Variants in RBFOX3 observed in about 807,000 individuals in gnomAD.
RBFOX3 encodes RNA binding fox-1 homolog 3, also known as RNA binding protein fox-1 homolog 3.
RBFOX3 carries 17 observed loss-of-function variants against 48.7 expected under a neutral mutation model. The ratio of observed to expected loss-of-function variants is 0.35; its 90% CI spans 0.24 to 0.52. The LOEUF is 0.52. RBFOX3 is among the 20% of genes least tolerant of loss of function. The pLI, the probability that RBFOX3 is intolerant of heterozygous loss-of-function variation, is 0.94. For synonymous variants in RBFOX3, 212 were observed against 209.5 expected (o/e 1.01, Z -0.10); for missense variants, 382 against 497.5 (o/e 0.77, Z 2.21).
chr17:79,395,302 C>T (rs958427388), intron 2 of RBFOX3, among the ~76,000 whole-genome samples: 1 of 152,240 alleles, frequency 6.6e-6, no homozygotes, highest in South Asian at 2.1e-4. Context: ...TGGGAGGACC[C>T]CTCCTAAGGG....
intron 4 of RBFOX3, among the ~76,000 whole-genome samples, chr17:79,156,896 G>A (rs2045931831): frequency 6.6e-6 from 1 of 152,196 alleles, no homozygotes; most frequent in Admixed American, 6.5e-5. Flanking sequence ...GGCAGGCGCG[G>A]GGACTCTGTG....
At chr17:79,412,228 G>A (rs1269066070) in intron 2 of RBFOX3, among the ~76,000 whole-genome samples, 1 of 151,616 alleles carries the variant, frequency 6.6e-6, no homozygotes, top group Admixed American at 6.6e-5. Flanking sequence ...ATGTATGCAT[G>A]TGTTGTGTGT....
intron 4 of RBFOX3, among the ~76,000 whole-genome samples, chr17:79,230,742 C>T (rs893012605): frequency 1.3e-5 from 2 of 152,042 alleles, no homozygotes; most frequent in East Asian, 1.9e-4. Flanking sequence ...CCCAGGCTCA[C>T]GAGTGCTTCT....
intron 2 of RBFOX3, among the ~76,000 whole-genome samples, chr17:79,438,098 A>G (rs2069949171): frequency 4.1e-5 from 1 of 24,640 alleles, no homozygotes; most frequent in African/African-American, 9.7e-5. Context: ...ACACAGGTGC[A>G]CAGGCGCACA....
intron 1 of RBFOX3, among the ~76,000 whole-genome samples, chr17:79,517,419 T>C (rs1421341516): frequency 7.5e-6 from 1 of 133,356 alleles, no homozygotes; most frequent in Non-Finnish European, 1.5e-5. Flanking sequence ...CACATCAGCC[T>C]GGACTATACA....
At chr17:79,549,884 T>C (rs1430940807) in intron 1 of RBFOX3, among the ~76,000 whole-genome samples, 1 of 152,090 alleles carries the variant, frequency 6.6e-6, no homozygotes, top group Non-Finnish European at 1.5e-5. Flanking sequence ...TTTAGTGATA[T>C]GATGGATGAA....
chr17:79,626,502 C>T, the RBFOX3 span, among the ~76,000 whole-genome samples: 1 of 152,262 alleles, frequency 6.6e-6, no homozygotes, highest in Admixed American at 6.5e-5. Flanking sequence ...CATCCCCCGT[C>T]TGGAACCAGG....
At chr17:79,348,151 C>G (rs772759865) in intron 2 of RBFOX3, among the ~76,000 whole-genome samples, 6 of 152,302 alleles carry the variant, frequency 3.9e-5, no homozygotes, top group Non-Finnish European at 7.4e-5. Context: ...GTCTCCTGGT[C>G]GTCTGCAGAA....
At chr17:79,356,687 T>C (rs1396746683) in intron 2 of RBFOX3, among the ~76,000 whole-genome samples, 1 of 151,136 alleles carries the variant, frequency 6.6e-6, no homozygotes. Context: ...TTTTTTTTTT[T>C]ATGCCATCAG....
chr17:79,370,224 T>C (rs556820070), intron 2 of RBFOX3, among the ~76,000 whole-genome samples: 45 of 152,310 alleles, frequency 3.0e-4, no homozygotes, highest in African/African-American at 9.6e-4. Context: ...ATCTTCCAGA[T>C]AGATTCCCCA....
intron 4 of RBFOX3, among the ~76,000 whole-genome samples, chr17:79,161,189 C>A (rs568461211): frequency 2.6e-4 from 40 of 152,238 alleles, no homozygotes; most frequent in African/African-American, 8.9e-4. Context: ...TCAGGGGAGG[C>A]TCCCTGGAGG....
chr17:79,131,175 CGT>C (rs1374016217), intron 4 of RBFOX3, among the ~76,000 whole-genome samples: 2 of 151,686 alleles, frequency 1.3e-5, no homozygotes, highest in African/African-American at 2.4e-5. Flanking sequence ...CCATGTGCTG[CGT>C]GTGCTGTATG....
chr17:79,566,791 G>A (rs939861562), intron 1 of RBFOX3, among the ~76,000 whole-genome samples: 19 of 152,236 alleles, frequency 1.2e-4, no homozygotes, highest in Non-Finnish European at 2.2e-4. Flanking sequence ...ACCTTCAGCC[G>A]AGCATTGCCC....
chr17:79,644,777 A>G, the RBFOX3 span, among the ~76,000 whole-genome samples: 5 of 152,246 alleles, frequency 3.3e-5, no homozygotes, highest in East Asian at 9.6e-4. Flanking sequence ...ATGAAGACAT[A>G]TATCATGATT....
chr17:79,579,113 G>C (rs1351569935), intron 1 of RBFOX3, among the ~76,000 whole-genome samples: 7 of 152,302 alleles, frequency 4.6e-5, no homozygotes, highest in African/African-American at 1.7e-4. Context: ...TTCCTGCCCA[G>C]CTCTGCTTCC....
At chr17:79,261,489 C>T (rs2065765681) in intron 3 of RBFOX3, among the ~76,000 whole-genome samples, 1 of 152,258 alleles carries the variant, frequency 6.6e-6, no homozygotes, top group African/African-American at 2.4e-5. Flanking sequence ...GGTGGAGGCG[C>T]TGTACTGCCA....
chr17:79,532,565 G>GGAGGCCCACACTCCA lies in RBFOX3; in HGVS notation c.-319-49982_-319-49968dup, dbSNP rs1280489518. ...AGTGGAAGTAACCGAGATCAGCGAT[G>GGAGGCCCACACTCCA]GAGGCCCACACTCCAGAGGCCCACA... On this transcript the variant is annotated intron_variant, in intron 1 of 14. Coordinates refer to ENST00000693108, the MANE Select transcript of RBFOX3 (RefSeq NM_001350451.2). Among the ~76,000 whole-genome samples, 6 of 152,312 alleles carry GGAGGCCCACACTCCA rather than the reference G, an allele frequency of 3.9e-5. No homozygotes were observed. In the East Asian group the frequency reaches 1.2e-3, roughly 29 times the overall value.
intron 3 of RBFOX3, among the ~76,000 whole-genome samples, chr17:79,282,320 A>G (rs923696826): frequency 3.3e-5 from 5 of 152,228 alleles, no homozygotes; most frequent in Non-Finnish European, 5.9e-5. Context: ...TTGGCTGAAT[A>G]AAGTACAGGA....
At position 79,443,487 on chromosome 17, in the gene RBFOX3, T is replaced by C. The variant is rs1483832655; in HGVS notation, c.-175+38967A>G. Reference sequence around the variant, plus strand: ...ACCTCTGCCTCCCAGGTTCCAGTGATTCTCCTTGCCTCAGCCTCTTGAGTA... The same window carrying C: ...ACCTCTGCCTCCCAGGTTCCAGTGACTCTCCTTGCCTCAGCCTCTTGAGTA... On this transcript the variant is annotated intron_variant, in intron 2 of 14. Coordinates refer to ENST00000693108, the MANE Select transcript of RBFOX3 (RefSeq NM_001350451.2). This position sits in a 1 kb window ranked among gnomAD's most constrained non-coding sequence, Gnocchi z 4.4. Among the ~76,000 whole-genome samples the C allele has an allele frequency of 6.6e-6, 1 of 152,048 alleles. No individual in the cohort carries two copies. The highest frequency in any genetic ancestry group is 1.5e-5 in the Non-Finnish European group (1 of 67,992).
Sources: allele counts gnomAD v4.1 joint callset (sites outside exome capture counted in the v4.1 genomes callset), GRCh38; gene constraint gnomAD v4.1.1; non-coding constraint Gnocchi (gnomAD v3.1); transcripts MANE v1.5; gene names NCBI Gene and HGNC (gene_info 2026-07-23, HGNC 2026-07-21).